Variants in BRINP3 observed in about 807,000 individuals in gnomAD.
The protein encoded by BRINP3 is BMP/retinoic acid inducible neural specific 3.
Under a neutral mutation model 71.0 loss-of-function variants are expected in BRINP3, and 19 were observed. That is an observed-to-expected ratio of 0.27 (90% CI 0.19 to 0.39). BRINP3 has a LOEUF of 0.39. BRINP3 is among the 10% of genes least tolerant of loss of function. BRINP3 has a pLI of 1.00. For synonymous variants in BRINP3, 380 were observed against 337.7 expected (o/e 1.13, Z -1.37); for missense variants, 959 against 940.8 (o/e 1.02, Z -0.25).
At chr1:190,301,484 T>G (rs903195270) in intron 2 of BRINP3, among the ~76,000 whole-genome samples, 4 of 151,530 alleles carry the variant, frequency 2.6e-5, no homozygotes, top group African/African-American at 9.7e-5. Flanking sequence ...TTTTCCTTTT[T>G]CCATTCTTTC....
In BRINP3 at chr1:190,388,111, G is replaced by A. The variant is rs572042222; in HGVS notation, c.236+66544C>T. On this transcript the variant is annotated intron_variant, in intron 2 of 7. Coordinates refer to ENST00000367462, the MANE Select transcript of BRINP3 (RefSeq NM_199051.3). ...CATCATATATGTGCGAGTAGAGGCT[G>A]AGTAAACATAACTTAGCATAAATGA... 8.0e-4 allele frequency among the ~76,000 whole-genome samples: 121 copies of A among 151,886 alleles called. 2 individuals carry two copies. The Middle Eastern group carries it at 0.017, about 21-fold the overall frequency.
chr1:190,105,661 T>G (rs1652087668), intron 7 of BRINP3, among the ~76,000 whole-genome samples: 2 of 152,058 alleles, frequency 1.3e-5, no homozygotes, highest in South Asian at 4.1e-4. Flanking sequence ...AATCACAGCT[T>G]CTTATCGTCA....
At chr1:190,322,259 A>T (rs1182318432) in intron 2 of BRINP3, among the ~76,000 whole-genome samples, 4 of 152,070 alleles carry the variant, frequency 2.6e-5, no homozygotes, top group Non-Finnish European at 5.9e-5. Context: ...AAATGAGAAG[A>T]AGATAAAGTC....
intron 2 of BRINP3, among the ~76,000 whole-genome samples, chr1:190,363,688 G>C (rs1669300662): frequency 6.6e-6 from 1 of 152,112 alleles, no homozygotes; most frequent in Non-Finnish European, 1.5e-5. Flanking sequence ...AGAGGCTACT[G>C]GGATCATCTG....
At chr1:190,214,125 G>T (rs1020782800) in intron 6 of BRINP3, among the ~76,000 whole-genome samples, 4 of 152,128 alleles carry the variant, frequency 2.6e-5, no homozygotes, top group African/African-American at 9.6e-5. Flanking sequence ...AATCTTCAAA[G>T]AGCATTCCCC....
intron 2 of BRINP3, among the ~76,000 whole-genome samples, chr1:190,423,490 C>T (rs1673509606): frequency 6.6e-6 from 1 of 151,718 alleles, no homozygotes; most frequent in Non-Finnish European, 1.5e-5. Context: ...TAGAATTTTC[C>T]TTCCATAATA....
intron 2 of BRINP3, among the ~76,000 whole-genome samples, chr1:190,337,984 G>A (rs1667402679): frequency 1.3e-5 from 2 of 152,000 alleles, no homozygotes; most frequent in Non-Finnish European, 2.9e-5. Context: ...TTTGCTTGGT[G>A]TTGACTTAAT....
rs1050457232 is a variant in BRINP3, at chr1:190,347,302, T to C, written c.237-65552A>G. Among the ~76,000 whole-genome samples the C allele has an allele frequency of 1.1e-4, 16 of 152,084 alleles. No individual in the cohort carries two copies. In the South Asian group the frequency reaches 3.3e-3, roughly 32 times the overall value. ...ACTTCAGGTGCGTGCCACCACGCCC[T>C]GCCAATTTTTTTGTATTTTAGTAGA... On this transcript the variant is annotated intron_variant, in intron 2 of 7. Coordinates refer to ENST00000367462, the MANE Select transcript of BRINP3 (RefSeq NM_199051.3).
At chr1:190,463,344 A>G (rs1421645198) in intron 1 of BRINP3, among the ~76,000 whole-genome samples, 2 of 151,674 alleles carry the variant, frequency 1.3e-5, no homozygotes, top group Non-Finnish European at 3.0e-5. Flanking sequence ...TTCCCATACA[A>G]TAGATAATGA....
At chr1:190,190,328 C>CTGCT (rs1653924697) in intron 6 of BRINP3, among the ~76,000 whole-genome samples, 1 of 152,110 alleles carries the variant, frequency 6.6e-6, no homozygotes. Flanking sequence ...TCACACAGGA[C>CTGCT]TGCTTGGTTT....
At chr1:190,421,209 T>C (rs1673356765) in intron 2 of BRINP3, among the ~76,000 whole-genome samples, 1 of 151,470 alleles carries the variant, frequency 6.6e-6, no homozygotes, top group Non-Finnish European at 1.5e-5. Context: ...ACAAATGTTT[T>C]GTGTACTAGC....
At chr1:190,314,929 G>T (rs994369621) in intron 2 of BRINP3, among the ~76,000 whole-genome samples, 5 of 152,090 alleles carry the variant, frequency 3.3e-5, no homozygotes, top group Non-Finnish European at 7.4e-5. Context: ...TCCTATAGGG[G>T]CTTGTTATTC....
intron 2 of BRINP3, among the ~76,000 whole-genome samples, chr1:190,326,903 G>A (rs1471149415): frequency 4.0e-5 from 6 of 150,884 alleles, no homozygotes; most frequent in Non-Finnish European, 8.8e-5. Context: ...TAGAAACTAC[G>A]AAACAACCAG....
intron 4 of BRINP3, among the ~76,000 whole-genome samples, chr1:190,234,694 A>G (rs926261055): frequency 6.6e-6 from 1 of 152,180 alleles, no homozygotes; most frequent in Non-Finnish European, 1.5e-5. Flanking sequence ...GTTGGGCATA[A>G]ATATCCCAGG....
chr1:190,337,595 G>A (rs968909411), intron 2 of BRINP3, among the ~76,000 whole-genome samples: 1 of 151,922 alleles, frequency 6.6e-6, no homozygotes, highest in Admixed American at 6.6e-5. Context: ...TTCAGCTTTT[G>A]GACTCTTAAA....
chr1:190,354,254 T>C (rs1219925328), intron 2 of BRINP3, among the ~76,000 whole-genome samples: 1 of 151,996 alleles, frequency 6.6e-6, no homozygotes, highest in South Asian at 2.1e-4. Flanking sequence ...AGTTTAGCAA[T>C]GTTTAATGTT....
intron 2 of BRINP3, among the ~76,000 whole-genome samples, chr1:190,414,273 A>T (rs1052947000): frequency 6.6e-6 from 1 of 151,736 alleles, no homozygotes; most frequent in African/African-American, 2.4e-5. Flanking sequence ...TGCCATGTGT[A>T]CTCTGGTGCA....
intron 2 of BRINP3, among the ~76,000 whole-genome samples, chr1:190,348,458 C>T (rs554887409): frequency 3.3e-5 from 5 of 152,212 alleles, no homozygotes; most frequent in Admixed American, 2.0e-4. Context: ...ATCCTTTACA[C>T]GAAATAAATA....
At chr1:190,436,614 TTAAA>T (rs1398319159) in intron 2 of BRINP3, among the ~76,000 whole-genome samples, 1 of 151,882 alleles carries the variant, frequency 6.6e-6, no homozygotes, top group East Asian at 1.9e-4. Flanking sequence ...TAAAATGATC[TTAAA>T]TAAAATGTCT....
Sources: gnomAD v4.1 joint callset for allele counts (sites outside exome capture counted in the v4.1 genomes callset) on GRCh38, gnomAD v4.1.1 for gene constraint, MANE v1.5 for transcripts, NCBI Gene and HGNC (gene_info 2026-07-23, HGNC 2026-07-21) for gene names.